VWC2: variants seen among roughly 807,000 people sequenced by gnomAD.
The protein encoded by VWC2 is von Willebrand factor C domain containing 2, also known as brorin.
VWC2 carries 14 observed loss-of-function variants against 29.8 expected under a neutral mutation model. The observed-to-expected ratio is 0.47, with a 90% CI of 0.31 to 0.74. VWC2 has a LOEUF of 0.74. Ranked by LOEUF, VWC2 falls within the 30% of genes least tolerant of loss-of-function variation. The pLI, the probability that VWC2 is intolerant of heterozygous loss-of-function variation, is 0.05. For missense variants in VWC2, 457 were observed against 459.8 expected (o/e 0.99, Z 0.05); for synonymous variants, 213 against 199.0 (o/e 1.07, Z -0.59).
intron 3 of VWC2, among the ~76,000 whole-genome samples, chr7:49,893,130 C>T (rs1198706512): frequency 6.6e-6 from 1 of 152,142 alleles, no homozygotes; most frequent in African/African-American, 2.4e-5. Context: ...CATGAGAATA[C>T]TTTAGCCTTT....
rs147953250 is a variant in VWC2 at position 49,895,009 on chromosome 7, G to A, written c.827-17025G>A. Among the ~76,000 whole-genome samples the A allele has an allele frequency of 2.5e-3, 375 of 152,298 alleles. 1 individual carries two copies. The highest frequency in any genetic ancestry group is 8.7e-3 in the African/African-American group (360 of 41,568). On this transcript the variant is annotated intron_variant, in intron 3 of 3. Transcript: ENST00000340652. ...TTTGTTAAATGTGCTAGGCCATTCT[G>A]ATACTATATGTCTAAGTCCATTCAT...
intron 3 of VWC2, among the ~76,000 whole-genome samples, chr7:49,817,632 G>A (rs1191257368): frequency 6.6e-6 from 1 of 152,192 alleles, no homozygotes; most frequent in Non-Finnish European, 1.5e-5. Flanking sequence ...TGTCTTTCAG[G>A]AAGATAAACT....
intron 3 of VWC2, among the ~76,000 whole-genome samples, chr7:49,899,987 G>A (rs1375696516): frequency 6.6e-6 from 1 of 151,586 alleles, no homozygotes; most frequent in Non-Finnish European, 1.5e-5. Context: ...AGACTACAAG[G>A]GAATTAAATT....
intron 2 of VWC2, among the ~76,000 whole-genome samples, chr7:49,791,134 TCA>T (rs1318253124): frequency 1.3e-5 from 2 of 152,282 alleles, no homozygotes; most frequent in East Asian, 1.9e-4. Flanking sequence ...AGCTCTGAAA[TCA>T]CACAGTTACA....
At chr7:49,796,561 G>A (rs889208876) in intron 2 of VWC2, among the ~76,000 whole-genome samples, 2 of 152,190 alleles carry the variant, frequency 1.3e-5, no homozygotes, top group African/African-American at 4.8e-5. Flanking sequence ...GCATTCCCAG[G>A]TAGGTAGGCA....
intron 3 of VWC2, among the ~76,000 whole-genome samples, chr7:49,875,378 A>AAAAC (rs1329057867): frequency 2.7e-5 from 4 of 148,306 alleles, no homozygotes; most frequent in Non-Finnish European, 6.0e-5. Flanking sequence ...TCAAAAAAAA[A>AAAAC]AAAAAAAAAA....
At chr7:49,857,699 G>A (rs1276133229) in intron 3 of VWC2, among the ~76,000 whole-genome samples, 1 of 151,968 alleles carries the variant, frequency 6.6e-6, no homozygotes, top group Non-Finnish European at 1.5e-5. Flanking sequence ...ACTCTTGGTG[G>A]GAATGCAAAA....
chr7:49,845,873 G>A (rs1027122487), intron 3 of VWC2, among the ~76,000 whole-genome samples: 13 of 152,292 alleles, frequency 8.5e-5, no homozygotes, highest in African/African-American at 3.1e-4. Context: ...TAGTGTGAGT[G>A]CGTGTGCACA....
intron 2 of VWC2, among the ~76,000 whole-genome samples, chr7:49,795,131 G>A (rs1321773012): frequency 6.6e-6 from 1 of 152,162 alleles, no homozygotes; most frequent in Non-Finnish European, 1.5e-5. Flanking sequence ...GAGTAGGATG[G>A]CTGGGTTGTT....
chr7:49,830,724 T>C (rs1789506568), intron 3 of VWC2, among the ~76,000 whole-genome samples: 1 of 152,108 alleles, frequency 6.6e-6, no homozygotes, highest in African/African-American at 2.4e-5. Flanking sequence ...TGTGTCCAAG[T>C]GTTCTCATTG....
intron 2 of VWC2, among the ~76,000 whole-genome samples, chr7:49,776,518 T>C (rs901471711): frequency 6.6e-6 from 1 of 152,226 alleles, no homozygotes; most frequent in Non-Finnish European, 1.5e-5. Flanking sequence ...CCATTTGGGA[T>C]ATATTCTTCA....
At chr7:49,850,729 A>G (rs1451879262) in intron 3 of VWC2, among the ~76,000 whole-genome samples, 2 of 152,168 alleles carry the variant, frequency 1.3e-5, no homozygotes, top group African/African-American at 4.8e-5. Context: ...CCAATATCTC[A>G]CCTGTGTGAC....
intron 3 of VWC2, among the ~76,000 whole-genome samples, chr7:49,901,557 A>G (rs946770607): frequency 6.6e-6 from 1 of 151,920 alleles, no homozygotes; most frequent in Non-Finnish European, 1.5e-5. Context: ...AAAATCATAG[A>G]ATATATAAAT....
chr7:49,826,367 AG>A (rs745502619), intron 3 of VWC2, among the ~76,000 whole-genome samples: 5 of 152,216 alleles, frequency 3.3e-5, no homozygotes, highest in Non-Finnish European at 5.9e-5. Context: ...AAAACATCTT[AG>A]AGCATTTTTT....
chr7:49,826,911 T>C (rs1244035664), intron 3 of VWC2, among the ~76,000 whole-genome samples: 1 of 152,146 alleles, frequency 6.6e-6, no homozygotes, highest in Non-Finnish European at 1.5e-5. Context: ...TATGATAAAT[T>C]TATGATTATA....
chr7:49,788,725 GGTGTGTGTGGAT>G (rs1207558078), intron 2 of VWC2, among the ~76,000 whole-genome samples: 15 of 139,032 alleles, frequency 1.1e-4, no homozygotes, highest in African/African-American at 2.0e-4. Flanking sequence ...ATGGGTGTGG[GGTGTGTGTGGAT>G]GTGTGTGTGG....
chr7:49,920,929 A>G lies in VWC2; in HGVS notation c.*8744A>G, dbSNP rs1793991439. Reference sequence around the variant, plus strand: ...TGTACTAAAATGTTGTACTTATTACATTTATGAATTTCTGACAGTTTCTAT... The same window carrying G: ...TGTACTAAAATGTTGTACTTATTACGTTTATGAATTTCTGACAGTTTCTAT... On this transcript the variant is annotated 3_prime_UTR_variant, in exon 4 of 4. Coordinates refer to ENST00000340652, the MANE Select transcript of VWC2 (RefSeq NM_198570.5). The G allele has an allele frequency of 6.6e-6, 1 of 152,202 alleles. No individual in the cohort carries two copies. Among genetic ancestry groups the G allele is most frequent in the Non-Finnish European group, 1.5e-5 (1 of 68,022 alleles). 9.4% of individuals were successfully genotyped at this position (152,202 alleles called of 1,614,324 possible).
rs527998397 is a variant in VWC2, at chr7:49,893,595, G to A, written c.827-18439G>A. 6.0e-5 allele frequency among the ~76,000 whole-genome samples: 9 copies of A among 149,724 alleles called. 1 individual carries two copies. Among genetic ancestry groups the A allele is most frequent in the Admixed American group, 5.3e-4 (8 of 15,080 alleles). Reference sequence around the variant, plus strand: ...GCACAAACACATCAACATATTTTTAGTTTACTCTTAGTGAAATGAAAATGT... The same window carrying A: ...GCACAAACACATCAACATATTTTTAATTTACTCTTAGTGAAATGAAAATGT... On this transcript the variant is annotated intron_variant, in intron 3 of 3. Coordinates refer to ENST00000340652, the MANE Select transcript of VWC2 (RefSeq NM_198570.5).
intron 3 of VWC2, among the ~76,000 whole-genome samples, chr7:49,882,989 T>TC (rs1485952993): frequency 1.3e-5 from 2 of 152,026 alleles, no homozygotes; most frequent in Non-Finnish European, 2.9e-5. Context: ...CCATTTCATC[T>TC]CTGCCCTGGC....
Sources: gnomAD v4.1 joint callset for allele counts (sites outside exome capture counted in the v4.1 genomes callset) on GRCh38, gnomAD v4.1.1 for gene constraint, MANE v1.5 for transcripts, NCBI Gene and HGNC (gene_info 2026-07-23, HGNC 2026-07-21) for gene names.